The following PATL2 variants were observed in gnomAD, a reference collection of about 807,000 sequenced individuals.
PATL2 encodes PAT1 homolog 2, also known as protein PAT1 homolog 2.
In PATL2, 73 loss-of-function variants were observed where a neutral mutation model predicts 77.0. That is an observed-to-expected ratio of 0.95 (90% CI 0.78 to 1.15). The LOEUF is 1.15. Ranked by LOEUF, PATL2 falls within the 50% of genes most tolerant of loss-of-function variation. The pLI, the probability that PATL2 is intolerant of heterozygous loss-of-function variation, is 0.00. For missense variants in PATL2, 618 were observed against 655.4 expected (o/e 0.94, Z 0.62); for synonymous variants, 265 against 257.1 (o/e 1.03, Z -0.29).
intron 3 of PATL2, among the ~76,000 whole-genome samples, chr15:44,679,541 TTTTTC>T (rs1381721835): frequency 7.4e-5 from 11 of 148,138 alleles, no homozygotes; most frequent in Non-Finnish European, 1.5e-4. Flanking sequence ...TTTTTTTTTC[TTTTTC>T]TTTTTCTTTT....
chr15:44,700,776 T>C (rs1300199536), intron 3 of PATL2, among the ~76,000 whole-genome samples: 1 of 152,240 alleles, frequency 6.6e-6, no homozygotes, highest in Non-Finnish European at 1.5e-5. Context: ...CTTGTCTGAT[T>C]ACTCTAGCTA....
chr15:44,700,228 G>T (rs1249610000), intron 3 of PATL2, among the ~76,000 whole-genome samples: 1 of 151,940 alleles, frequency 6.6e-6, no homozygotes, highest in Non-Finnish European at 1.5e-5. Flanking sequence ...GGTTAAGAAG[G>T]TATTTAATAT....
chr15:44,675,453 A>G lies in PATL2; in HGVS notation c.222+33T>C, dbSNP rs1489210913. The G allele has an allele frequency of 5.2e-6, 8 of 1,540,578 alleles. 1 individual carries two copies. The East Asian group carries it at 1.7e-4, about 33-fold the overall frequency. On this transcript the variant is annotated intron_variant, in intron 5 of 17. Coordinates refer to ENST00000682850, the MANE Select transcript of PATL2 (RefSeq NM_001387263.1). ...GCCTGTGAGCCACAGACAGTTCAGG[A>G]CAACCCTCTCCCATTCCCTTCTGCC...
At chr15:44,674,495 T>G in intron 5 of PATL2, 1 of 396,554 alleles carries the variant, frequency 2.5e-6, no homozygotes, top group Non-Finnish European at 4.6e-6. Flanking sequence ...TGCCTAGAAC[T>G]GGATAGTACT....
At chr15:44,698,608 T>C (rs1159811804) in intron 3 of PATL2, among the ~76,000 whole-genome samples, 2 of 152,210 alleles carry the variant, frequency 1.3e-5, no homozygotes, top group Non-Finnish European at 2.9e-5. Flanking sequence ...ACACACTCCA[T>C]TGTGTATGTG....
At chr15:44,669,460 C>T in intron 12 of PATL2, 47 bp from the exon 13 acceptor site, 2 of 1,548,598 alleles carry the variant, frequency 1.3e-6, no homozygotes, top group Non-Finnish European at 1.7e-6. Flanking sequence ...GGTAATATCT[C>T]ATTCTCAAAG....
chr15:44,695,328 A>G (rs1171199632), intron 3 of PATL2, among the ~76,000 whole-genome samples: 1 of 152,196 alleles, frequency 6.6e-6, no homozygotes, highest in African/African-American at 2.4e-5. Flanking sequence ...CAGCCTGCAA[A>G]ATTGAGCTGC....
intron 6 of PATL2, 78 bp downstream of exon 6, chr15:44,674,072 A>G: frequency 1.5e-6 from 2 of 1,378,542 alleles, no homozygotes; most frequent in Non-Finnish European, 2.0e-6. Context: ...CCTTAACTCC[A>G]GACCAGGGTT....
intron 3 of PATL2, among the ~76,000 whole-genome samples, chr15:44,680,389 A>G (rs913119714): frequency 1.3e-5 from 2 of 152,176 alleles, no homozygotes; most frequent in Non-Finnish European, 2.9e-5. Context: ...TACTCTCAGC[A>G]GTCAACCTCA....
chr15:44,699,514 A>AT (rs1293058032), intron 3 of PATL2, among the ~76,000 whole-genome samples: 6 of 151,784 alleles, frequency 4.0e-5, no homozygotes, highest in Non-Finnish European at 7.4e-5. Flanking sequence ...AATTTTTTGT[A>AT]TTTTTAGTAG....
chr15:44,688,170 C>A (rs938078254), intron 3 of PATL2, among the ~76,000 whole-genome samples: 1 of 149,090 alleles, frequency 6.7e-6, no homozygotes, highest in Non-Finnish European at 1.5e-5. Context: ...GGCGTGAACC[C>A]GGGAGGCAGA....
At chr15:44,707,369 TCACC>T (rs1372525697) in intron 3 of PATL2, among the ~76,000 whole-genome samples, 1 of 152,076 alleles carries the variant, frequency 6.6e-6, no homozygotes, top group Non-Finnish European at 1.5e-5. Context: ...TCTCTGAGTC[TCACC>T]CAAAGCCCAT....
chr15:44,687,922 T>G (rs1020591727), intron 3 of PATL2, among the ~76,000 whole-genome samples: 1 of 151,952 alleles, frequency 6.6e-6, no homozygotes, highest in Non-Finnish European at 1.5e-5. Context: ...AAGTGGAAAA[T>G]CATTCCATGC....
At position 44,675,654 on chromosome 15, in the gene PATL2, C is replaced by T. The variant is rs1223323598; in HGVS notation, c.54G>A (p.Glu18=). 14 of 1,551,452 alleles carry T rather than the reference C, an allele frequency of 9.0e-6. No homozygotes were observed. Among genetic ancestry groups the T allele is most frequent in the Non-Finnish European group, 1.2e-5 (14 of 1,146,876 alleles). Reference sequence around the variant, plus strand: ...CCAACTGGCAGGCAGACACCAGCTCCTCCTCAGAAGCCAAGGGGCCACAGG... The same window carrying T: ...CCAACTGGCAGGCAGACACCAGCTCTTCCTCAGAAGCCAAGGGGCCACAGG... ...GKTCGPLASE[E]ELVSACQLEK... is the part of the protein sequence containing the mutation. Residue 18 remains glutamate (E), a synonymous_variant, in exon 5 of 18, where the codon GAG becomes GAA. Coordinates refer to ENST00000682850, the MANE Select transcript of PATL2 (RefSeq NM_001387263.1).
chr15:44,672,487 G>A (rs917901047), intron 7 of PATL2, 31 bp from the exon 8 acceptor site: 2 of 1,537,106 alleles, frequency 1.3e-6, no homozygotes, highest in Non-Finnish European at 1.8e-6. Flanking sequence ...GAGCTGGGTG[G>A]AAGGAAGCTC....
rs573246228 is a variant in PATL2, at chr15:44,672,476, C to A, written c.447-20G>T. 5 of 1,548,498 alleles carry A rather than the reference C, an allele frequency of 3.2e-6. No individual in the cohort carries two copies. The highest frequency in any genetic ancestry group is 1.2e-5 in the South Asian group (1 of 83,962). ...AGATGACTGGGAAGACAAGAAGTAA[C>A]GAGCTGGGTGGAAGGAAGCTCTCAG... On this transcript the variant is annotated intron_variant, in intron 7 of 17. Coordinates refer to ENST00000682850, the MANE Select transcript of PATL2 (RefSeq NM_001387263.1).
At chr15:44,672,186 C>T in intron 8 of PATL2, 30 bp from the exon 9 acceptor site, 1 of 1,551,648 alleles carries the variant, frequency 6.4e-7, no homozygotes, top group East Asian at 2.4e-5. Flanking sequence ...ACCCTTTAGA[C>T]TTACCCACCA....
rs1390771434 is a variant in PATL2, at chr15:44,665,811, G to T, written c.*142C>A. ...ACATCATTTAGATTTTTGAAGAAAG[G>T]ATATGAAAATGGGGAAGGGTTCTCC... On this transcript the variant is annotated 3_prime_UTR_variant, in exon 18 of 18. Coordinates refer to ENST00000682850, the MANE Select transcript of PATL2 (RefSeq NM_001387263.1). The T allele has an allele frequency of 6.6e-7, 1 of 1,520,384 alleles. No individual in the cohort carries two copies. Among genetic ancestry groups the T allele is most frequent in the East Asian group, 2.5e-5 (1 of 40,394 alleles). The allele number at this position is 1,520,384 out of a possible 1,614,324, so 94.2% of individuals were successfully genotyped here. A position where few individuals can be genotyped will look rare whatever the true frequency, so the allele number is the denominator to read the frequency against.
At chr15:44,711,378 G>A, upstream of PATL2, 1 of 762,900 alleles carries the variant, frequency 1.3e-6, no homozygotes, top group Non-Finnish European at 2.2e-6. Context: ...TCTAAGAAAA[G>A]GAAACTGAAA....
Sources: allele counts gnomAD v4.1 joint callset (sites outside exome capture counted in the v4.1 genomes callset), GRCh38; gene constraint gnomAD v4.1.1; transcripts MANE v1.5; gene names NCBI Gene and HGNC (gene_info 2026-07-23, HGNC 2026-07-21).